The following CA5A variants were observed in gnomAD, a reference collection of about 807,000 sequenced individuals.
CA5A encodes the protein carbonic anhydrase 5A.
In CA5A, 28 loss-of-function variants were observed where a neutral mutation model predicts 37.1. The observed-to-expected ratio is 0.75, with a 90% CI of 0.56 to 1.03. The LOEUF is 1.03. CA5A is among the 50% of genes least tolerant of loss of function. The pLI is 0.00. For missense variants in CA5A, 444 were observed against 399.9 expected (o/e 1.11, Z -0.94); for synonymous variants, 171 against 158.4 (o/e 1.08, Z -0.60).
chr16:87,900,608 T>C (rs936501061), intron 5 of CA5A, among the ~76,000 whole-genome samples: 3 of 152,242 alleles, frequency 2.0e-5, no homozygotes, highest in African/African-American at 7.2e-5. Flanking sequence ...TCCTTCTCCC[T>C]CAAAGCCTTT....
At chr16:87,920,646 C>A (rs2056217535) in intron 2 of CA5A, among the ~76,000 whole-genome samples, 1 of 151,738 alleles carries the variant, frequency 6.6e-6, no homozygotes, top group South Asian at 2.1e-4. Flanking sequence ...GAAACTAAAT[C>A]TCACTTTGTT....
chr16:87,934,712 C>A (rs2056448280), intron 1 of CA5A, among the ~76,000 whole-genome samples: 1 of 152,208 alleles, frequency 6.6e-6, no homozygotes, highest in Admixed American at 6.5e-5. Context: ...GTAATCCCAG[C>A]ACTTTAGGAG....
chr16:87,926,407 C>G (rs961522126), intron 2 of CA5A, among the ~76,000 whole-genome samples: 1 of 152,168 alleles, frequency 6.6e-6, no homozygotes, highest in Admixed American at 6.5e-5. Flanking sequence ...GTTCCTCTTC[C>G]GACGCGCAAA....
intron 6 of CA5A, among the ~76,000 whole-genome samples, chr16:87,889,109 G>A (rs1051679579): frequency 1.3e-5 from 2 of 151,864 alleles, no homozygotes; most frequent in African/African-American, 4.8e-5. Flanking sequence ...AGTAGAGATG[G>A]GGTTTCTCCA....
At chr16:87,897,707 A>G (rs1188173269) in intron 5 of CA5A, among the ~76,000 whole-genome samples, 1 of 152,206 alleles carries the variant, frequency 6.6e-6, no homozygotes, top group Non-Finnish European at 1.5e-5. Flanking sequence ...GCGTGGACCC[A>G]CTTCCTGGGT....
At chr16:87,909,573 G>T (rs1208750426) in intron 2 of CA5A, among the ~76,000 whole-genome samples, 10 of 152,186 alleles carry the variant, frequency 6.6e-5, no homozygotes, top group Admixed American at 1.3e-4. Flanking sequence ...AACGTAGCCC[G>T]CGCGGGGCGC....
intron 2 of CA5A, among the ~76,000 whole-genome samples, chr16:87,905,484 G>T (rs561096469): frequency 6.6e-6 from 1 of 152,096 alleles, no homozygotes; most frequent in Admixed American, 6.6e-5. Flanking sequence ...CCAGCCTCCT[G>T]AGTAGCTGGG....
chr16:87,926,631 A>C, intron 2 of CA5A, 117 bp downstream of exon 2: 1 of 796,536 alleles, frequency 1.3e-6, no homozygotes, highest in Non-Finnish European at 2.1e-6. Context: ...TCCCTGCCCC[A>C]GCAGCACAAG....
At chr16:87,929,610 C>T (rs987305318) in intron 1 of CA5A, among the ~76,000 whole-genome samples, 2 of 152,066 alleles carry the variant, frequency 1.3e-5, no homozygotes, top group East Asian at 3.9e-4. Flanking sequence ...CAGTTGCTCA[C>T]GCCTATAATC....
chr16:87,916,739 T>C (rs1423707548), intron 2 of CA5A, among the ~76,000 whole-genome samples: 8 of 152,172 alleles, frequency 5.3e-5, no homozygotes, highest in African/African-American at 1.9e-4. Context: ...CCTTCCTCCC[T>C]ACAAAAGACC....
At chr16:87,915,937 G>A (rs1194871177) in intron 2 of CA5A, among the ~76,000 whole-genome samples, 25 of 152,068 alleles carry the variant, frequency 1.6e-4, no homozygotes, top group East Asian at 3.9e-4. Context: ...AAGAAAAAGA[G>A]GTTGAATGGA....
At chr16:87,920,713 G>C (rs1188941180) in intron 2 of CA5A, among the ~76,000 whole-genome samples, 1 of 152,078 alleles carries the variant, frequency 6.6e-6, no homozygotes, top group African/African-American at 2.4e-5. Context: ...CCGCCTCCCA[G>C]GTTCAAGCAA....
intron 2 of CA5A, among the ~76,000 whole-genome samples, chr16:87,913,944 C>T (rs536849462): frequency 6.6e-6 from 1 of 152,332 alleles, no homozygotes; most frequent in South Asian, 2.1e-4. Flanking sequence ...AAGTGATGTT[C>T]ACCACAAGAG....
chr16:87,896,511 G>A (rs2055805074), intron 5 of CA5A, among the ~76,000 whole-genome samples: 1 of 152,220 alleles, frequency 6.6e-6, no homozygotes, highest in South Asian at 2.1e-4. Context: ...ATGGGACACC[G>A]GTGAGCACAC....
intron 5 of CA5A, chr16:87,893,763 G>C: frequency 2.3e-6 from 1 of 431,682 alleles, no homozygotes; most frequent in South Asian, 1.8e-5. Flanking sequence ...ATTTTGCATT[G>C]AATACACTCA....
In CA5A at chr16:87,911,185, C is replaced by T. The variant is rs572809805; in HGVS notation, c.341-6281G>A. 6.6e-6 allele frequency among the ~76,000 whole-genome samples: 1 copy of T among 151,598 alleles called. No homozygotes were observed. The highest frequency in any genetic ancestry group is 1.9e-4 in the East Asian group (1 of 5,154). On this transcript the variant is annotated intron_variant, in intron 2 of 6. Coordinates refer to ENST00000649794, the MANE Select transcript of CA5A (RefSeq NM_001739.2). The surrounding 1 kb of genome is among the most constrained non-coding windows in gnomAD (Gnocchi z 4.6). ...GCCCCCATCCCCCGGACTCTGCTAT[C>T]AGCAGGGCTGGTCCACCGGGCAGCA...
Position 87,897,384 on chromosome 16 carries a change from C to T in CA5A, c.618+4528G>A, listed in dbSNP as rs1041896622. Among the ~76,000 whole-genome samples the T allele has an allele frequency of 1.1e-4, 16 of 152,238 alleles. 1 individual carries two copies. Among genetic ancestry groups the T allele is most frequent in the Admixed American group, 8.5e-4 (13 of 15,284 alleles). On this transcript the variant is annotated intron_variant, in intron 5 of 6. Transcript: ENST00000649794. ...ATGGTGAGAGGGTCAAAGGCGAAGCCTTGAGGTCTCCATTCTGGAATTGTC... is the reference window on the plus strand; with the variant it reads ...ATGGTGAGAGGGTCAAAGGCGAAGCTTTGAGGTCTCCATTCTGGAATTGTC...
downstream of CA5A, chr16:87,886,434 T>A (rs1328486073): frequency 1.3e-5 from 2 of 152,222 alleles, no homozygotes; most frequent in Non-Finnish European, 1.5e-5. Context: ...CTGTTATTTT[T>A]TAGGAGCTTT....
At chr16:87,929,654 C>G (rs373758315) in intron 1 of CA5A, among the ~76,000 whole-genome samples, 2 of 151,738 alleles carry the variant, frequency 1.3e-5, no homozygotes, top group Admixed American at 6.6e-5. Context: ...GGGCGGATCA[C>G]GAGGTCAGGA....
Sources: allele counts gnomAD v4.1 joint callset (sites outside exome capture counted in the v4.1 genomes callset), GRCh38; gene constraint gnomAD v4.1.1; non-coding constraint Gnocchi (gnomAD v3.1); transcripts MANE v1.5; gene names NCBI Gene and HGNC (gene_info 2026-07-23, HGNC 2026-07-21).